The following CREB1 variants were observed in gnomAD, a reference collection of about 807,000 sequenced individuals.
CREB1 encodes the protein cAMP responsive element binding protein 1.
In CREB1, 2 loss-of-function variants were observed where a neutral mutation model predicts 42.0. The observed-to-expected ratio is 0.05, with a 90% confidence interval of 0.02 to 0.15. The LOEUF is 0.15. Among genes scored for constraint, CREB1 ranks in the 10% least tolerant of loss-of-function variants. CREB1 has a pLI of 1.00. For missense variants in CREB1, 199 were observed against 388.9 expected (o/e 0.51, Z 4.11); for synonymous variants, 123 against 139.9 (o/e 0.88, Z 0.85).
chr2:207,561,156 C>G (rs764945260), intron 3 of CREB1: 23 of 1,612,244 alleles, frequency 1.4e-5, no homozygotes, highest in Non-Finnish European at 1.8e-5. Flanking sequence ...TTCTCCGGAA[C>G]ACAGGTGAGT....
At chr2:207,560,179 C>A (rs1308377401) in intron 2 of CREB1, 47 bp from the exon 3 acceptor site, 1 of 1,487,964 alleles carries the variant, frequency 6.7e-7, no homozygotes, top group Non-Finnish European at 9.1e-7. Flanking sequence ...TGAGTACTGC[C>A]AAAGAGTGTC....
At chr2:207,550,639 G>A (rs2081469405) in intron 1 of CREB1, 1 of 152,130 alleles carries the variant, frequency 6.6e-6, no homozygotes, top group South Asian at 2.1e-4. Context: ...AGAAAAAGTG[G>A]TAATATGCGC....
At chr2:207,590,618 C>A (rs562889245) in intron 7 of CREB1, among the ~76,000 whole-genome samples, 1 of 152,002 alleles carries the variant, frequency 6.6e-6, no homozygotes, top group Admixed American at 6.5e-5. Flanking sequence ...TTTCTTAAGA[C>A]AATAGTTGGA....
chr2:207,580,203 A>T (rs1282025178), intron 7 of CREB1, among the ~76,000 whole-genome samples: 1 of 152,210 alleles, frequency 6.6e-6, no homozygotes, highest in African/African-American at 2.4e-5. Flanking sequence ...TTATGAGATT[A>T]GTAGAACTGA....
At chr2:207,586,950 G>C (rs2083952307) in intron 7 of CREB1, among the ~76,000 whole-genome samples, 1 of 152,180 alleles carries the variant, frequency 6.6e-6, no homozygotes, top group South Asian at 2.1e-4. Flanking sequence ...TCATTAGTTA[G>C]AATGGCTATA....
At chr2:207,587,989 G>A (rs1281502331) in intron 7 of CREB1, among the ~76,000 whole-genome samples, 1 of 152,150 alleles carries the variant, frequency 6.6e-6, no homozygotes, top group Non-Finnish European at 1.5e-5. Context: ...TGAGGTGATG[G>A]ATATGCTAGT....
intron 3 of CREB1, among the ~76,000 whole-genome samples, chr2:207,564,103 A>C (rs2082053150): frequency 6.6e-6 from 1 of 152,112 alleles, no homozygotes; most frequent in African/African-American, 2.4e-5. Flanking sequence ...GAATACTTAA[A>C]ATTTAGAAAT....
intron 1 of CREB1, among the ~76,000 whole-genome samples, chr2:207,544,187 G>A (rs1311804671): frequency 1.3e-5 from 2 of 152,208 alleles, no homozygotes; most frequent in Non-Finnish European, 1.5e-5. Context: ...GATTACAGGC[G>A]TGAGCCACTG....
At position 207,545,787 on chromosome 2, in the gene CREB1, G is replaced by A. The variant is rs112101994; in HGVS notation, c.-8-9841G>A. Among the ~76,000 whole-genome samples the A allele has an allele frequency of 9.2e-3, 1,380 of 149,840 alleles. 22 individuals carry two copies. Among genetic ancestry groups the A allele is most frequent in the African/African-American group, 0.033 (1,321 of 40,518 alleles). ...TCGCTCTTTCTGCCCAGGCTAGAGTGCAATGGCGCAATCTCGGCTCACTGC... is the reference window on the plus strand; with the variant it reads ...TCGCTCTTTCTGCCCAGGCTAGAGTACAATGGCGCAATCTCGGCTCACTGC... On this transcript the variant is annotated intron_variant, in intron 1 of 7. Transcript: ENST00000353267.
chr2:207,577,090 C>T (rs1473598696), intron 6 of CREB1: 14 of 966,718 alleles, frequency 1.4e-5, no homozygotes, highest in Admixed American at 1.2e-4. Context: ...AAATCATGGT[C>T]GTTTTTATGT....
At chr2:207,577,454 G>A in intron 6 of CREB1, 51 bp from the exon 7 acceptor site, 1 of 1,592,562 alleles carries the variant, frequency 6.3e-7, no homozygotes, top group Non-Finnish European at 8.6e-7. Flanking sequence ...ACACATAATT[G>A]AATCAAGTTG....
At chr2:207,586,626 A>T (rs982221343) in intron 7 of CREB1, among the ~76,000 whole-genome samples, 1 of 152,228 alleles carries the variant, frequency 6.6e-6, no homozygotes, top group Non-Finnish European at 1.5e-5. Flanking sequence ...GACAACCTGC[A>T]GAATGGGAGG....
At chr2:207,577,168 T>C in intron 6 of CREB1, 1 of 1,046,698 alleles carries the variant, frequency 9.6e-7, no homozygotes, top group Non-Finnish European at 1.2e-6. Flanking sequence ...CACTGAGGAC[T>C]ATACTCTATC....
At chr2:207,590,708 T>G (rs1394095440) in intron 7 of CREB1, among the ~76,000 whole-genome samples, 1 of 152,278 alleles carries the variant, frequency 6.6e-6, no homozygotes, top group South Asian at 2.1e-4. Flanking sequence ...TCACAACTAC[T>G]CAACTCTGCC....
chr2:207,567,075 A>G (rs1164041245), intron 3 of CREB1, among the ~76,000 whole-genome samples: 1 of 152,198 alleles, frequency 6.6e-6, no homozygotes, highest in Non-Finnish European at 1.5e-5. Context: ...TTAAATAATA[A>G]TATTTGTATA....
chr2:207,567,365 C>T (rs1157650331), intron 3 of CREB1, 98 bp from the exon 4 acceptor site: 1 of 732,172 alleles, frequency 1.4e-6, no homozygotes, highest in African/African-American at 1.8e-5. Flanking sequence ...TCTACTGAAG[C>T]ATGTATAAAG....
rs1289366968 is a variant in CREB1, at chr2:207,605,543, G to A, written c.*8485G>A. 1.3e-5 allele frequency among the ~76,000 whole-genome samples: 2 copies of A among 151,708 alleles called. No homozygotes were observed. ...TACACTTCTAAAAAAAAGAAACATGGAAAAGGGCAAACTGTAAGAAGTTTT... is the reference window on the plus strand; with the variant it reads ...TACACTTCTAAAAAAAAGAAACATGAAAAAGGGCAAACTGTAAGAAGTTTT... On this transcript the variant is annotated 3_prime_UTR_variant, in exon 8 of 8. Coordinates refer to ENST00000353267, the MANE Select transcript of CREB1 (RefSeq NM_004379.5).
intron 6 of CREB1, among the ~76,000 whole-genome samples, chr2:207,576,292 T>A (rs1263615839): frequency 6.6e-6 from 1 of 150,786 alleles, no homozygotes; most frequent in African/African-American, 2.4e-5. Context: ...CAGGAATCTT[T>A]ATGGATAGCA....
chr2:207,590,349 C>G (rs531528016), intron 7 of CREB1, among the ~76,000 whole-genome samples: 85 of 151,706 alleles, frequency 5.6e-4, no homozygotes, highest in Non-Finnish European at 1.0e-3. Context: ...CCCCAGCCAC[C>G]CTCCTTTTTT....
Sources: allele counts gnomAD v4.1 joint callset (sites outside exome capture counted in the v4.1 genomes callset), GRCh38; gene constraint gnomAD v4.1.1; transcripts MANE v1.5; gene names NCBI Gene and HGNC (gene_info 2026-07-23, HGNC 2026-07-21).